The following GAL3ST4 variants were observed in gnomAD, a reference collection of about 807,000 sequenced individuals.
The protein encoded by GAL3ST4 is galactose-3-O-sulfotransferase 4, also known as beta-galactose-3-O-sulfotransferase 4.
Under a neutral mutation model 31.6 loss-of-function variants are expected in GAL3ST4, and 30 were observed. The ratio of observed to expected loss-of-function variants is 0.95; its 90% CI spans 0.71 to 1.29. GAL3ST4 has a LOEUF of 1.29. Ranked by LOEUF, GAL3ST4 falls within the 50% of genes most tolerant of loss-of-function variation. The probability of loss-of-function intolerance (pLI) is 0.00; values close to 1 mark genes in which losing one functional copy is unlikely to be tolerated. For missense variants in GAL3ST4, 629 were observed against 625.2 expected (o/e 1.01, Z -0.06); for synonymous variants, 248 against 256.9 (o/e 0.97, Z 0.33).
chr7:100,166,652 G>C lies in GAL3ST4; in HGVS notation c.279C>G (p.His93Gln). 1 of 1,614,198 alleles carries C rather than the reference G, an allele frequency of 6.2e-7. No individual in the cohort carries two copies. The highest frequency in any genetic ancestry group is 1.1e-5 in the South Asian group (1 of 91,088). The change falls in exon 3 of 4, where the codon CAC becomes CAG. Residue 93 changes from histidine (H) to glutamine (Q), a missense_variant. Transcript: ENST00000360039. ...LSLLHRYGDQHGLRFALPARY... is the reference protein window; with the variant it reads ...LSLLHRYGDQQGLRFALPARY... ...GGGCAGGGAGGGCGAAGCGCAGCCC[G>C]TGCTGGTCCCCATAGCGGTGAAGCA...
chr7:100,163,662 A>G (rs1020022271), intron 3 of GAL3ST4, among the ~76,000 whole-genome samples: 2 of 152,210 alleles, frequency 1.3e-5, no homozygotes, highest in Non-Finnish European at 2.9e-5. Flanking sequence ...AGCCTCCTGA[A>G]TAGCTGGGAC....
chr7:100,160,552 G>A lies in GAL3ST4; in HGVS notation c.837C>T (p.Phe279=), dbSNP rs779261584. Residue 279 remains phenylalanine, a synonymous_variant, in exon 4 of 4, where the codon TTC becomes TTT. Coordinates refer to ENST00000360039, the MANE Select transcript of GAL3ST4 (RefSeq NM_024637.5). ...GGATGAAGGATGAAGACCCCAAATC[G>A]AAAGAGGCAGGGCTTGATATCTGGC... ...HRSQISSPAS[F]DLGSSSFIQW... The A allele has an allele frequency of 1.4e-5, 22 of 1,613,808 alleles. No homozygotes were observed. In the Admixed American group the frequency reaches 2.7e-4, roughly 20 times the overall value.
At position 100,166,761 on chromosome 7, in the gene GAL3ST4, C is replaced by A. The variant is rs779838710; in HGVS notation, c.170G>T (p.Arg57Leu). ...GGGTGGGCAGGACGGAAGGGCTGGT[C>A]GTAGGGATGGGGCCGAGGGCTGTCG... ...QLRQPSAPSL[R>L]PALPSCPPRQ... The change falls in exon 3 of 4, where the codon CGA (arginine) becomes CTA (leucine). Residue 57 changes from arginine to leucine, a missense_variant. By Grantham distance (102) the Arg-to-Leu change is moderately radical. Coordinates refer to ENST00000360039, the MANE Select transcript of GAL3ST4 (RefSeq NM_024637.5). 1 of 1,612,986 alleles carries A rather than the reference C, an allele frequency of 6.2e-7. No individual in the cohort carries two copies. Among genetic ancestry groups the A allele is most frequent in the African/African-American group, 1.3e-5 (1 of 74,980 alleles).
chr7:100,160,347 G>A lies in GAL3ST4; in HGVS notation c.1042C>T (p.Leu348=). Residue 348 remains leucine, a synonymous_variant, in exon 4 of 4, where the codon CTG becomes TTG. Transcript: ENST00000360039. ...GTCAGCTGCCGGTCCTCCGCAGTCAGTCCACTGTTGCTGACAGTGCTGAGG... is the reference window on the plus strand; with the variant it reads ...GTCAGCTGCCGGTCCTCCGCAGTCAATCCACTGTTGCTGACAGTGCTGAGG... ...QGLSTVSNSG[L]TAEDRQLTAR... 6.2e-7 allele frequency: 1 copy of A among 1,614,014 alleles called. No individual in the cohort carries two copies. Among genetic ancestry groups the A allele is most frequent in the Non-Finnish European group, 8.5e-7 (1 of 1,179,996 alleles).
Position 100,159,971 on chromosome 7 carries a change from G to C in GAL3ST4, c.1418C>G (p.Thr473Ser), listed in dbSNP as rs139185482. ...TGAAGTCTTGAGGGGCAGTGAGACG[G>C]TAGGGGGGAACTGCTTGGCATCCAG... is the stretch of plus-strand genomic sequence containing the variant. The part of the protein sequence containing the change: ...DKLDAKQFPP[T>S]VSLPLKTSRP... The change falls in exon 4 of 4, where the codon ACC (threonine) becomes AGC (serine). Residue 473 changes from threonine (T) to serine (S), a missense_variant. Coordinates refer to ENST00000360039, the MANE Select transcript of GAL3ST4 (RefSeq NM_024637.5). The C allele has an allele frequency of 1.2e-6, 2 of 1,613,118 alleles. No individual in the cohort carries two copies. Among genetic ancestry groups the C allele is most frequent in the Non-Finnish European group, 1.7e-6 (2 of 1,179,502 alleles).
rs201227895 is a variant in GAL3ST4 at position 100,165,139 on chromosome 7, G to T, written c.429+1363C>A. Among the ~76,000 whole-genome samples the T allele has an allele frequency of 3.9e-5, 6 of 152,052 alleles. No homozygotes were observed. The East Asian group carries it at 1.2e-3, about 30-fold the overall frequency. Reference sequence around the variant, plus strand: ...TCCACCCGCCTTGGCCTCCCAAAGTGCTGGGATTACAGGCGTGAGCCACTG... The same window carrying T: ...TCCACCCGCCTTGGCCTCCCAAAGTTCTGGGATTACAGGCGTGAGCCACTG... On this transcript the variant is annotated intron_variant, in intron 3 of 3. Coordinates refer to ENST00000360039, the MANE Select transcript of GAL3ST4 (RefSeq NM_024637.5).
intron 3 of GAL3ST4, 75 bp from the exon 4 acceptor site, chr7:100,161,034 G>T: frequency 1.5e-6 from 2 of 1,311,676 alleles, no homozygotes; most frequent in Non-Finnish European, 1.0e-6. Context: ...CAAGCCATGT[G>T]TCCGCTGACC....
intron 3 of GAL3ST4, among the ~76,000 whole-genome samples, chr7:100,164,452 G>A (rs560043696): frequency 6.6e-6 from 1 of 152,224 alleles, no homozygotes; most frequent in African/African-American, 2.4e-5. Context: ...ATCACTTGAG[G>A]TCAGGAGTTT....
rs758657720 is a variant in GAL3ST4, at chr7:100,160,746, C to T, written c.643G>A (p.Gly215Ser). Residue 215 changes from glycine (G) to serine (S), a missense_variant, in exon 4 of 4, where the codon GGC (glycine) becomes AGC (serine). Gly to Ser is a moderately conservative substitution (Grantham distance 56). Transcript: ENST00000360039. ...CTCTTCTCTGGGGGAAAGGGCAGGC[C>T]AAAGTCAAACCATAGTAAGTTGCGA... ...YARNLLWFDF[G>S]LPFPPEKRAK... is the part of the protein sequence containing the mutation. 2 of 1,614,148 alleles carry T rather than the reference C, an allele frequency of 1.2e-6. No individual in the cohort carries two copies. Among genetic ancestry groups the T allele is most frequent in the Non-Finnish European group, 8.5e-7 (1 of 1,180,026 alleles).
intron 3 of GAL3ST4, among the ~76,000 whole-genome samples, chr7:100,163,423 C>T (rs1799031615): frequency 6.6e-6 from 1 of 151,640 alleles, no homozygotes; most frequent in African/African-American, 2.4e-5. Flanking sequence ...TCATGGTGTT[C>T]CTCAATCGGC....
In GAL3ST4 at chr7:100,168,199, C is replaced by G. The variant is rs550590822; in HGVS notation, c.-189+347G>C. On this transcript the variant is annotated intron_variant, in intron 1 of 3. Transcript: ENST00000360039. This position sits in a 1 kb window ranked among gnomAD's most constrained non-coding sequence, Gnocchi z 4.1. ...ACAACTCGCGATCAGGGACCACGGC[C>G]CCTCCAACAAGCCCCGACAGCTCCC... The G allele has an allele frequency of 6.6e-6, 1 of 152,322 alleles. No homozygotes were observed. The highest frequency in any genetic ancestry group is 1.5e-5 in the Non-Finnish European group (1 of 68,070). The allele number at this position is 152,322 out of a possible 1,614,324, so 9.4% of individuals were successfully genotyped here.
intron 3 of GAL3ST4, among the ~76,000 whole-genome samples, chr7:100,162,667 G>T (rs1799019762): frequency 1.4e-5 from 2 of 144,884 alleles, no homozygotes; most frequent in African/African-American, 2.6e-5. Flanking sequence ...GCTTGTCGGG[G>T]TCAGGGGCAA....
chr7:100,167,711 A>C (rs1584627398), intron 1 of GAL3ST4: 1 of 156,236 alleles, frequency 6.4e-6, no homozygotes, highest in East Asian at 1.9e-4. Flanking sequence ...TACAGTGGGA[A>C]TGAGGATCAG....
At chr7:100,167,313 A>T in intron 1 of GAL3ST4, 30 bp from the exon 2 acceptor site, 7 of 1,190,370 alleles carry the variant, frequency 5.9e-6, no homozygotes, top group Non-Finnish European at 8.0e-6. Context: ...GGAAGAAGGG[A>T]AGTCTAAGGA....
rs1799075611 is a variant in GAL3ST4 at position 100,166,500 on chromosome 7, A to T, written c.429+2T>A. On this transcript the variant is annotated splice_donor_variant, in intron 3 of 3. Transcript: ENST00000360039. LOFTEE classifies it high-confidence loss of function. The stretch of plus-strand genomic sequence containing the variant: ...CCCTCCCACCACTGCGACACTCCTT[A>T]CCTCTTTCAGGTTGAACCTCATGTG... The T allele has an allele frequency of 1.2e-6, 2 of 1,609,916 alleles. No individual in the cohort carries two copies. Among genetic ancestry groups the T allele is most frequent in the Non-Finnish European group, 1.7e-6 (2 of 1,177,502 alleles).
In GAL3ST4 at chr7:100,159,908, C is replaced by G; in HGVS notation, c.*20G>C. On this transcript the variant is annotated 3_prime_UTR_variant, in exon 4 of 4. Coordinates refer to ENST00000360039, the MANE Select transcript of GAL3ST4 (RefSeq NM_024637.5). ...CCTTCAAACATGGCTGCTCTTCCACCTAAATCTGTAGTCTGATGTTTATGG... is the reference window on the plus strand; with the variant it reads ...CCTTCAAACATGGCTGCTCTTCCACGTAAATCTGTAGTCTGATGTTTATGG... The G allele has an allele frequency of 6.4e-7, 1 of 1,567,742 alleles. No individual in the cohort carries two copies. The highest frequency in any genetic ancestry group is 1.8e-5 in the Admixed American group (1 of 54,696).
Position 100,167,171 on chromosome 7 carries a change from C to G in GAL3ST4, c.-76G>C, listed in dbSNP as rs561706674. 1 of 1,550,578 alleles carries G rather than the reference C, an allele frequency of 6.4e-7. No individual in the cohort carries two copies. Among genetic ancestry groups the G allele is most frequent in the Non-Finnish European group, 8.7e-7 (1 of 1,146,620 alleles). On this transcript the variant is annotated 5_prime_UTR_variant, in exon 2 of 4. Coordinates refer to ENST00000360039, the MANE Select transcript of GAL3ST4 (RefSeq NM_024637.5). ...GAGGGGCAGAGACAGCTGGAGACAG[C>G]CGTGCAGCTGCGGAAGGCACTGGTT...
intron 3 of GAL3ST4, among the ~76,000 whole-genome samples, chr7:100,162,887 AG>A (rs1562954942): frequency 6.6e-6 from 1 of 152,128 alleles, no homozygotes; most frequent in Non-Finnish European, 1.5e-5. Flanking sequence ...GGGAAAAAAA[AG>A]AAAAAGAAAA....
Position 100,160,121 on chromosome 7 carries a change from C to T in GAL3ST4, c.1268G>A (p.Arg423Gln), listed in dbSNP as rs375932821. 4 of 1,613,914 alleles carry T rather than the reference C, an allele frequency of 2.5e-6. No homozygotes were observed. The highest frequency in any genetic ancestry group is 3.4e-6 in the Non-Finnish European group (4 of 1,179,894). ...TGACCCAAACTGGAAGGGGCGGAAC[C>T]GGCGATCAGTGATGTATTTGGGGTC... ...ASDPKYITDR[R>Q]FRPFQFGSAK... is the part of the protein sequence containing the mutation. The change falls in exon 4 of 4, where the codon CGG becomes CAG. Residue 423 changes from arginine (R) to glutamine (Q), a missense_variant. By Grantham distance (43) the Arg-to-Gln change is conservative. Coordinates refer to ENST00000360039, the MANE Select transcript of GAL3ST4 (RefSeq NM_024637.5).
Sources: allele counts gnomAD v4.1 joint callset (sites outside exome capture counted in the v4.1 genomes callset), GRCh38; gene constraint gnomAD v4.1.1; non-coding constraint Gnocchi (gnomAD v3.1); transcripts MANE v1.5; gene names NCBI Gene and HGNC (gene_info 2026-07-23, HGNC 2026-07-21).